SNX3: variants seen among roughly 807,000 people sequenced by gnomAD.
The protein encoded by SNX3 is sorting nexin-3.
Under a neutral mutation model 17.7 loss-of-function variants are expected in SNX3, and 5 were observed. The ratio of observed to expected loss-of-function variants is 0.28; its 90% CI spans 0.15 to 0.59. SNX3 has a LOEUF of 0.59. Among genes scored for constraint, SNX3 ranks in the 20% least tolerant of loss-of-function variants. SNX3 has a pLI of 0.88. For missense variants in SNX3, 132 were observed against 206.8 expected (o/e 0.64, Z 2.22); for synonymous variants, 91 against 76.5 (o/e 1.19, Z -0.99).
chr6:108,228,989 G>A (rs1307794274), intron 1 of SNX3, among the ~76,000 whole-genome samples: 1 of 152,136 alleles, frequency 6.6e-6, no homozygotes, highest in African/African-American at 2.4e-5. Context: ...GCTGGGTGCG[G>A]TGGCTTATGC....
chr6:108,241,294 G>A lies in SNX3; in HGVS notation c.163-18249C>T, dbSNP rs777246799. 1.4e-4 allele frequency among the ~76,000 whole-genome samples: 21 copies of A among 152,042 alleles called. No homozygotes were observed. In the East Asian group the frequency reaches 1.9e-3, roughly 14 times the overall value. On this transcript the variant is annotated intron_variant, in intron 1 of 3. Coordinates refer to ENST00000230085, the MANE Select transcript of SNX3 (RefSeq NM_003795.6). The stretch of plus-strand genomic sequence containing the variant: ...AGCCATGGACATGAGAAGACGGCAC[G>A]AAGTAAAAGCTGGGGCGAACTTGTA...
chr6:108,221,532 C>CT (rs554429322), intron 2 of SNX3, among the ~76,000 whole-genome samples: 3,291 of 57,674 alleles, frequency 0.057, 1,043 homozygotes, highest in Middle Eastern at 0.068. Context: ...CAGTATTACA[C>CT]TTTTTTTTTT....
intron 1 of SNX3, among the ~76,000 whole-genome samples, chr6:108,228,692 G>C (rs1775046463): frequency 6.6e-6 from 1 of 151,228 alleles, no homozygotes; most frequent in African/African-American, 2.4e-5. Context: ...AGAGGGAGAC[G>C]GTCTCAAAAA....
intron 1 of SNX3, among the ~76,000 whole-genome samples, 157 bp downstream of exon 1, chr6:108,260,603 G>C (rs1776161461): frequency 1.3e-5 from 2 of 152,282 alleles, no homozygotes; most frequent in South Asian, 4.1e-4. Context: ...CAGCCCTACA[G>C]GAAGAGGGGC....
intron 1 of SNX3, among the ~76,000 whole-genome samples, chr6:108,228,005 A>T (rs56108023): frequency 6.6e-6 from 1 of 152,092 alleles, no homozygotes; most frequent in Non-Finnish European, 1.5e-5. Context: ...ATGCTAGATA[A>T]GGGAGAATCA....
chr6:108,222,151 A>G, intron 2 of SNX3: 1 of 1,198,590 alleles, frequency 8.3e-7, no homozygotes, highest in Non-Finnish European at 1.1e-6. Context: ...AAAAAAGAAA[A>G]CCCTTATTAA....
intron 1 of SNX3, among the ~76,000 whole-genome samples, chr6:108,231,770 C>G (rs1219420267): frequency 6.6e-6 from 1 of 152,206 alleles, no homozygotes; most frequent in Admixed American, 6.5e-5. Flanking sequence ...AAAATAAACT[C>G]TGCTTCTTAG....
chr6:108,254,395 G>A (rs1346495895), intron 1 of SNX3, among the ~76,000 whole-genome samples: 3 of 152,086 alleles, frequency 2.0e-5, no homozygotes, highest in African/African-American at 7.2e-5. Flanking sequence ...AGCCCAGGAG[G>A]TCGAGGCTAC....
chr6:108,223,673 T>C (rs1446466537), intron 1 of SNX3, among the ~76,000 whole-genome samples: 1 of 151,972 alleles, frequency 6.6e-6, no homozygotes. Context: ...AATTTTCTTG[T>C]ATTTTTAGTA....
rs550677992 is a variant in SNX3 at position 108,222,163 on chromosome 6, C to T, written c.258+787G>A. On this transcript the variant is annotated intron_variant, in intron 2 of 3. Coordinates refer to ENST00000230085, the MANE Select transcript of SNX3 (RefSeq NM_003795.6). The stretch of plus-strand genomic sequence containing the variant: ...AAAAAAAAAGAAAACCCTTATTAAA[C>T]TTGAGAAATGAGTACAGACTAGCCT... The T allele has an allele frequency of 7.2e-6, 9 of 1,242,008 alleles. No individual in the cohort carries two copies. In the African/African-American group the frequency reaches 9.5e-5, roughly 13 times the overall value. The allele number at this position is 1,242,008 out of a possible 1,614,324, so 76.9% of individuals were successfully genotyped here.
intron 1 of SNX3, among the ~76,000 whole-genome samples, chr6:108,236,541 G>A (rs1385466643): frequency 1.3e-5 from 2 of 151,040 alleles, no homozygotes; most frequent in East Asian, 1.9e-4. Context: ...CCGCCACTAC[G>A]CCCGGCTAAT....
chr6:108,254,130 GAAA>G (rs36069364), intron 1 of SNX3, among the ~76,000 whole-genome samples: 1 of 137,404 alleles, frequency 7.3e-6, no homozygotes, highest in Non-Finnish European at 1.6e-5. Context: ...CCGTCTCAAA[GAAA>G]AAAAAAAAAA....
chr6:108,253,859 CT>C (rs1298968609), intron 1 of SNX3, among the ~76,000 whole-genome samples: 1 of 152,126 alleles, frequency 6.6e-6, no homozygotes, highest in Non-Finnish European at 1.5e-5. Context: ...GGCTTGGTGG[CT>C]CACGCCTGTA....
intron 1 of SNX3, among the ~76,000 whole-genome samples, chr6:108,233,717 C>A (rs1299618564): frequency 2.0e-5 from 3 of 152,250 alleles, no homozygotes; most frequent in East Asian, 3.9e-4. Context: ...CCAGTGCACT[C>A]CAGCCTGGCT....
chr6:108,232,093 G>A (rs1775179139), intron 1 of SNX3, among the ~76,000 whole-genome samples: 1 of 152,112 alleles, frequency 6.6e-6, no homozygotes, highest in Non-Finnish European at 1.5e-5. Context: ...AAGATCCTGG[G>A]ACATTCAAAG....
chr6:108,242,616 C>T (rs1775554186), intron 1 of SNX3, among the ~76,000 whole-genome samples: 1 of 152,206 alleles, frequency 6.6e-6, no homozygotes, highest in Admixed American at 6.5e-5. Flanking sequence ...TTGGCATACA[C>T]ACCTCCCCTA....
intron 2 of SNX3, among the ~76,000 whole-genome samples, chr6:108,220,021 A>G: frequency 6.6e-6 from 1 of 152,218 alleles, no homozygotes; most frequent in Non-Finnish European, 1.5e-5. Flanking sequence ...AAAAATTTAA[A>G]TAGAGAAAAG....
At chr6:108,232,121 A>G (rs1775180377) in intron 1 of SNX3, among the ~76,000 whole-genome samples, 1 of 152,180 alleles carries the variant, frequency 6.6e-6, no homozygotes, top group African/African-American at 2.4e-5. Context: ...AAAGAACAAG[A>G]CTAAAAACCT....
chr6:108,235,156 A>G (rs1775286224), intron 1 of SNX3, among the ~76,000 whole-genome samples: 1 of 152,154 alleles, frequency 6.6e-6, no homozygotes, highest in Non-Finnish European at 1.5e-5. Flanking sequence ...CTTTGATCAA[A>G]CATTTGTGAA....
Sources: allele counts gnomAD v4.1 joint callset (sites outside exome capture counted in the v4.1 genomes callset), GRCh38; gene constraint gnomAD v4.1.1; transcripts MANE v1.5; gene names NCBI Gene and HGNC (gene_info 2026-07-23, HGNC 2026-07-21).